Variants in CDH23 observed in about 807,000 individuals in gnomAD.
The protein encoded by CDH23 is cadherin-23.
Under a neutral mutation model 317.1 loss-of-function variants are expected in CDH23, and 189 were observed. The ratio of observed to expected loss-of-function variants is 0.60; its 90% confidence interval spans 0.53 to 0.67. The LOEUF is 0.67. Ranked by LOEUF, CDH23 falls within the 30% of genes least tolerant of loss-of-function variation. The pLI, the probability that CDH23 is intolerant of heterozygous loss-of-function variation, is 0.00. For missense variants in CDH23, 4,401 were observed against 4,592.4 expected (o/e 0.96, Z 1.20); for synonymous variants, 1,839 against 1,876.8 (o/e 0.98, Z 0.52).
intron 6 of CDH23, among the ~76,000 whole-genome samples, chr10:71,514,820 C>T (rs1854192262): frequency 6.6e-6 from 1 of 152,238 alleles, no homozygotes; most frequent in Admixed American, 6.5e-5. Context: ...CTCGACAGAC[C>T]TCATTAAGTC....
At chr10:71,545,078 T>A (rs1253588372) in intron 6 of CDH23, among the ~76,000 whole-genome samples, 1 of 152,144 alleles carries the variant, frequency 6.6e-6, no homozygotes, top group Non-Finnish European at 1.5e-5. Context: ...GGGATTCGCA[T>A]CCACTAAACA....
intron 6 of CDH23, among the ~76,000 whole-genome samples, chr10:71,518,303 A>G (rs886617547): frequency 2.0e-5 from 3 of 152,162 alleles, no homozygotes; most frequent in African/African-American, 7.2e-5. Context: ...AGAGGGCCCT[A>G]TGAACTCGTT....
intron 38 of CDH23, among the ~76,000 whole-genome samples, chr10:71,774,049 G>GCACA (rs754333116): frequency 0.017 from 2,516 of 145,478 alleles, 30 homozygotes; most frequent in African/African-American, 0.028. Flanking sequence ...GCATGCGCGC[G>GCACA]CGCACACACA....
chr10:71,753,698 A>T, intron 38 of CDH23: 1 of 452,754 alleles, frequency 2.2e-6, no homozygotes, highest in South Asian at 1.6e-5. Flanking sequence ...TCCCTCTTTC[A>T]TGCAGCACCC....
chr10:71,599,769 G>C (rs1267671043), intron 9 of CDH23, among the ~76,000 whole-genome samples: 1 of 152,180 alleles, frequency 6.6e-6, no homozygotes, highest in Non-Finnish European at 1.5e-5. Context: ...CACCCATCTG[G>C]TGCCAGTTCT....
chr10:71,449,606 G>C (rs1278938183), intron 3 of CDH23, among the ~76,000 whole-genome samples: 1 of 152,182 alleles, frequency 6.6e-6, no homozygotes, highest in Non-Finnish European at 1.5e-5. Context: ...GTTCAAGGCA[G>C]TGTCCTAAGT....
intron 38 of CDH23, among the ~76,000 whole-genome samples, chr10:71,774,218 C>CT (rs895328535): frequency 1.0e-4 from 15 of 143,402 alleles, no homozygotes; most frequent in African/African-American, 3.8e-4. Context: ...GAGGCCTCAG[C>CT]TGTCCGCCTG....
chr10:71,556,251 T>C (rs1407414620), intron 6 of CDH23, among the ~76,000 whole-genome samples: 2 of 152,014 alleles, frequency 1.3e-5, no homozygotes, highest in Non-Finnish European at 2.9e-5. Context: ...AATGAGATGC[T>C]GGATGAGTGC....
intron 3 of CDH23, among the ~76,000 whole-genome samples, chr10:71,475,812 C>A (rs567135604): frequency 6.6e-6 from 1 of 152,344 alleles, no homozygotes; most frequent in South Asian, 2.1e-4. Context: ...AGGGAGCAGG[C>A]CCCAGTTCCA....
intron 8 of CDH23, among the ~76,000 whole-genome samples, chr10:71,577,340 G>A (rs950196802): frequency 1.3e-5 from 2 of 152,062 alleles, no homozygotes; most frequent in Non-Finnish European, 2.9e-5. Flanking sequence ...GCACAGTGCT[G>A]TGTGGGCCAT....
intron 1 of CDH23, among the ~76,000 whole-genome samples, chr10:71,402,205 G>A (rs1440713962): frequency 6.6e-6 from 1 of 152,216 alleles, no homozygotes; most frequent in African/African-American, 2.4e-5. Flanking sequence ...TATTGGTGAG[G>A]GGAATGGGAA....
chr10:71,694,205 C>T lies in CDH23; in HGVS notation c.2235C>T (p.Ile745=), dbSNP rs368841307. The T allele has an allele frequency of 1.2e-4, 198 of 1,613,678 alleles. No homozygotes were observed. Among genetic ancestry groups the T allele is most frequent in the South Asian group, 2.0e-4 (18 of 91,086 alleles). ...AGACCAAGTCTGAATACATCCTCAT[C>T]GTTCGCGCAGTGGACGGGGGTGTGG... ...DRETKSEYIL[I]VRAVDGGVGH... Residue 745 remains isoleucine, a synonymous_variant, in exon 21 of 70, where the codon ATC becomes ATT. Coordinates refer to ENST00000224721, the MANE Select transcript of CDH23 (RefSeq NM_022124.6).
chr10:71,813,274 T>C lies in CDH23; in HGVS notation c.9664T>C (p.Tyr3222His). 1 of 1,551,618 alleles carries C rather than the reference T, an allele frequency of 6.4e-7. No homozygotes were observed. The highest frequency in any genetic ancestry group is 8.7e-7 in the Non-Finnish European group (1 of 1,146,966). ...GSLLKVVLED[Y>H]LRLKKLFAQR... ...GCTGCTGAAGGTGGTCCTGGAGGATTACCTGCGGCTCAAAAAGCTCTTTGC... is the reference window on the plus strand; with the variant it reads ...GCTGCTGAAGGTGGTCCTGGAGGATCACCTGCGGCTCAAAAAGCTCTTTGC... The change falls in exon 69 of 70, where the codon TAC (tyrosine) becomes CAC (histidine). Residue 3222 changes from tyrosine (Y) to histidine (H), a missense_variant. Physicochemically the swap from Tyr to His is moderately conservative, Grantham distance 83 (BLOSUM62 2). This residue lies in a region of CDH23 where 1,144 missense variants were observed against 1,138.2 expected (regional missense o/e 1.01). Transcript: ENST00000224721.
chr10:71,814,702 CAAG>C (rs1057195989), intron 69 of CDH23, among the ~76,000 whole-genome samples: 2 of 135,332 alleles, frequency 1.5e-5, no homozygotes, highest in Admixed American at 7.5e-5. Context: ...ACAATTTTCA[CAAG>C]AAGCCGATAC....
intron 10 of CDH23, 81 bp downstream of exon 10, chr10:71,615,697 C>A: frequency 1.0e-6 from 1 of 975,786 alleles, no homozygotes; most frequent in Non-Finnish European, 1.6e-6. Flanking sequence ...TGTCCGAGGG[C>A]TCCTGCCCCC....
intron 38 of CDH23, among the ~76,000 whole-genome samples, chr10:71,759,595 TC>T (rs1293839945): frequency 1.3e-5 from 2 of 151,412 alleles, no homozygotes; most frequent in Non-Finnish European, 2.9e-5. Context: ...AGATCATTTG[TC>T]AGTAGTTTGA....
intron 1 of CDH23, among the ~76,000 whole-genome samples, chr10:71,429,007 G>T (rs901460088): frequency 1.3e-5 from 2 of 152,162 alleles, no homozygotes; most frequent in African/African-American, 4.8e-5. Flanking sequence ...CATGTGATTT[G>T]TAGATATTTT....
intron 14 of CDH23, among the ~76,000 whole-genome samples, chr10:71,653,753 A>C (rs1446123341): frequency 6.6e-6 from 1 of 152,214 alleles, no homozygotes; most frequent in African/African-American, 2.4e-5. Flanking sequence ...GGCCCTGGGC[A>C]GGTGCTTAGC....
chr10:71,545,857 C>A (rs775132652), intron 6 of CDH23, among the ~76,000 whole-genome samples: 65 of 152,162 alleles, frequency 4.3e-4, no homozygotes, highest in Non-Finnish European at 5.3e-4. Context: ...GGGGAGGTGA[C>A]TCTCCAGGTA....
Sources: gnomAD v4.1 joint callset for allele counts (sites outside exome capture counted in the v4.1 genomes callset) on GRCh38, gnomAD v4.1.1 for gene constraint, gnomAD v4.1.1 regional missense constraint, MANE v1.5 for transcripts, NCBI Gene and HGNC (gene_info 2026-07-23, HGNC 2026-07-21) for gene names.